ZNF385D: variants seen among roughly 807,000 people sequenced by gnomAD.
ZNF385D encodes the protein zinc finger protein 385D.
Under a neutral mutation model 35.8 loss-of-function variants are expected in ZNF385D, and 15 were observed. The observed-to-expected ratio is 0.42, with a 90% CI of 0.28 to 0.64. The LOEUF is 0.64. Among genes scored for constraint, ZNF385D ranks in the 30% least tolerant of loss-of-function variants. The probability of loss-of-function intolerance (pLI) is 0.23; values close to 1 mark genes in which losing one functional copy is unlikely to be tolerated. For synonymous variants in ZNF385D, 212 were observed against 186.8 expected, an observed-to-expected ratio of 1.13 and a Z score of -1.10; for missense variants, 474 against 494.6, an observed-to-expected ratio of 0.96 and a Z score of 0.39.
chr3:22,364,910 T>C (rs1186835902), intron 2 of ZNF385D, among the ~76,000 whole-genome samples: 1 of 152,102 alleles, frequency 6.6e-6, no homozygotes, highest in East Asian at 1.9e-4. Flanking sequence ...TGGAATATCA[T>C]CTAGCCTTAA....
At chr3:21,442,784 G>C (rs1166927354) in intron 4 of ZNF385D, among the ~76,000 whole-genome samples, 1 of 151,970 alleles carries the variant, frequency 6.6e-6, no homozygotes, top group Non-Finnish European at 1.5e-5. Flanking sequence ...AAAGGCCAGA[G>C]TACAGAGGCT....
At chr3:21,868,973 A>G (rs978330411) in intron 3 of ZNF385D, among the ~76,000 whole-genome samples, 1 of 152,086 alleles carries the variant, frequency 6.6e-6, no homozygotes, top group Non-Finnish European at 1.5e-5. Flanking sequence ...AACACAGAAC[A>G]TTATAATGCT....
intron 3 of ZNF385D, among the ~76,000 whole-genome samples, chr3:21,550,374 C>T (rs1177182357): frequency 6.6e-6 from 1 of 152,198 alleles, no homozygotes; most frequent in Non-Finnish European, 1.5e-5. Flanking sequence ...CTCCTATCAA[C>T]ATCATCATTA....
chr3:21,763,101 G>T (rs1034592602), intron 3 of ZNF385D, among the ~76,000 whole-genome samples: 2 of 152,102 alleles, frequency 1.3e-5, no homozygotes, highest in African/African-American at 4.8e-5. Context: ...CAAGAATATG[G>T]TAACTCCCCC....
chr3:21,554,668 A>G (rs2062673542), intron 3 of ZNF385D, among the ~76,000 whole-genome samples: 1 of 152,158 alleles, frequency 6.6e-6, no homozygotes, highest in South Asian at 2.1e-4. Context: ...TTTATGCTTA[A>G]AATCTGTTGG....
At chr3:21,693,969 C>G (rs2067374966) in intron 1 of ZNF385D, among the ~76,000 whole-genome samples, 1 of 148,130 alleles carries the variant, frequency 6.8e-6, no homozygotes, top group Admixed American at 6.8e-5. Flanking sequence ...ACCTCCACCT[C>G]CCGGGTTCAA....
chr3:21,704,768 G>T (rs1356125539), intron 1 of ZNF385D, among the ~76,000 whole-genome samples: 1 of 152,098 alleles, frequency 6.6e-6, no homozygotes, highest in Non-Finnish European at 1.5e-5. Flanking sequence ...CCAGTACCTA[G>T]AACAGTACCT....
At chr3:21,894,732 G>A (rs919056343) in intron 3 of ZNF385D, among the ~76,000 whole-genome samples, 6 of 152,114 alleles carry the variant, frequency 3.9e-5, no homozygotes, top group African/African-American at 1.4e-4. Context: ...TTTAAGTAAT[G>A]ATCAGCAATG....
chr3:21,725,397 G>GT (rs1281728982), intron 1 of ZNF385D, among the ~76,000 whole-genome samples: 1 of 152,106 alleles, frequency 6.6e-6, no homozygotes, highest in Admixed American at 6.5e-5. Flanking sequence ...TCCAGGAGCT[G>GT]TTTTTTCGAA....
chr3:21,574,329 G>GA (rs760017316), intron 2 of ZNF385D, among the ~76,000 whole-genome samples: 1 of 151,948 alleles, frequency 6.6e-6, no homozygotes, highest in Non-Finnish European at 1.5e-5. Flanking sequence ...ATTCCTAACT[G>GA]AAAAAACTAC....
chr3:22,045,567 G>A (rs1322058942), intron 3 of ZNF385D, among the ~76,000 whole-genome samples: 1 of 152,078 alleles, frequency 6.6e-6, no homozygotes, highest in Non-Finnish European at 1.5e-5. Flanking sequence ...AGTTCTTCAT[G>A]TGCTACTTTT....
chr3:21,655,703 A>T (rs187783058), intron 2 of ZNF385D, among the ~76,000 whole-genome samples: 38 of 152,174 alleles, frequency 2.5e-4, no homozygotes, highest in African/African-American at 9.1e-4. Context: ...GATTTAAAAA[A>T]TTACAACCAT....
intron 2 of ZNF385D, among the ~76,000 whole-genome samples, chr3:22,218,479 G>A (rs1389963554): frequency 1.3e-5 from 2 of 151,886 alleles, no homozygotes; most frequent in East Asian, 1.9e-4. Flanking sequence ...GTGTGTATAT[G>A]TGTATCTATG....
chr3:21,974,464 G>A (rs917113121), intron 3 of ZNF385D, among the ~76,000 whole-genome samples: 5 of 151,952 alleles, frequency 3.3e-5, no homozygotes, highest in Non-Finnish European at 7.4e-5. Flanking sequence ...CTTAAGCTAA[G>A]AAACTACTAG....
chr3:22,166,887 T>C (rs952616608), intron 3 of ZNF385D, among the ~76,000 whole-genome samples: 1 of 152,246 alleles, frequency 6.6e-6, no homozygotes, highest in African/African-American at 2.4e-5. Flanking sequence ...TCATAACCAA[T>C]ACAAACTTAA....
At chr3:21,480,919 A>C (rs941490330) in intron 4 of ZNF385D, among the ~76,000 whole-genome samples, 2 of 152,230 alleles carry the variant, frequency 1.3e-5, no homozygotes, top group Non-Finnish European at 2.9e-5. Context: ...AAATCATTGA[A>C]TTTTACTTTA....
chr3:21,580,491 T>G (rs1281409410), intron 2 of ZNF385D, among the ~76,000 whole-genome samples: 1 of 152,196 alleles, frequency 6.6e-6, no homozygotes. Flanking sequence ...TTTTCATTGT[T>G]TGGTTGATTA....
chr3:22,204,259 C>T (rs145153039), intron 2 of ZNF385D, among the ~76,000 whole-genome samples: 1 of 152,072 alleles, frequency 6.6e-6, no homozygotes, highest in South Asian at 2.1e-4. Context: ...AGTACCTCAA[C>T]CAGTCTGTAA....
At chr3:21,963,396 G>A (rs1702706225) in intron 3 of ZNF385D, among the ~76,000 whole-genome samples, 1 of 152,174 alleles carries the variant, frequency 6.6e-6, no homozygotes, top group South Asian at 2.1e-4. Context: ...GTAGCGTGCA[G>A]AAATGTAGTT....
Sources: gnomAD v4.1 joint callset for allele counts (sites outside exome capture counted in the v4.1 genomes callset) on GRCh38, gnomAD v4.1.1 for gene constraint, MANE v1.5 for transcripts, NCBI Gene and HGNC (gene_info 2026-07-23, HGNC 2026-07-21) for gene names.